Variants in N4BP2L2 observed in about 807,000 individuals in gnomAD.
The protein encoded by N4BP2L2 is NEDD4 binding protein 2 like 2.
In N4BP2L2, 50 loss-of-function variants were observed where a neutral mutation model predicts 56.2. That is an observed-to-expected ratio of 0.89 (90% CI 0.71 to 1.13). The LOEUF is 1.13. Ranked by LOEUF, N4BP2L2 falls within the 50% of genes most tolerant of loss-of-function variation. The pLI is 0.00. For missense variants in N4BP2L2, 689 were observed against 693.8 expected (o/e 0.99, Z 0.08); for synonymous variants, 203 against 223.6 (o/e 0.91, Z 0.82).
intron 3 of N4BP2L2, chr13:32,525,328 T>A (rs1435933062): frequency 6.6e-6 from 1 of 152,198 alleles, no homozygotes; most frequent in Non-Finnish European, 1.5e-5. Context: ...TTTGGAGAAA[T>A]TCTAGAGCGT....
At chr13:32,463,663 CA>C (rs35920030) in intron 6 of N4BP2L2, among the ~76,000 whole-genome samples, 6,448 of 103,986 alleles carry the variant, frequency 0.062, 455 homozygotes, top group African/African-American at 0.21. Flanking sequence ...GACTTGGTCT[CA>C]AAAAAAAAAA....
intron 6 of N4BP2L2, among the ~76,000 whole-genome samples, chr13:32,489,836 T>G (rs1294954846): frequency 6.6e-6 from 1 of 151,944 alleles, no homozygotes; most frequent in African/African-American, 2.4e-5. Context: ...CAACATTGCT[T>G]CACAGATACC....
intron 6 of N4BP2L2, among the ~76,000 whole-genome samples, chr13:32,456,318 C>G (rs1261614827): frequency 6.6e-6 from 1 of 152,110 alleles, no homozygotes; most frequent in Non-Finnish European, 1.5e-5. Flanking sequence ...ACTTCATGCA[C>G]CCAGAATAAA....
intron 6 of N4BP2L2, among the ~76,000 whole-genome samples, chr13:32,500,835 C>G (rs895931385): frequency 2.0e-5 from 3 of 149,670 alleles, no homozygotes; most frequent in Admixed American, 1.3e-4. Context: ...TCTACTGAGT[C>G]TTATGACAAC....
At chr13:32,462,861 T>TAAAAAAA (rs569068082) in intron 6 of N4BP2L2, among the ~76,000 whole-genome samples, 32 of 51,110 alleles carry the variant, frequency 6.3e-4, no homozygotes, top group African/African-American at 1.3e-3. Flanking sequence ...CTGTCTTTAC[T>TAAAAAAA]AAAAAAAAAA....
intron 6 of N4BP2L2, among the ~76,000 whole-genome samples, chr13:32,487,492 G>T (rs1328594791): frequency 6.8e-6 from 1 of 147,052 alleles, no homozygotes; most frequent in African/African-American, 2.5e-5. Flanking sequence ...AAAGGAAAAA[G>T]AAAAGAAAAA....
intron 6 of N4BP2L2, among the ~76,000 whole-genome samples, chr13:32,452,013 G>A (rs559227534): frequency 1.5e-4 from 22 of 151,668 alleles, no homozygotes; most frequent in Admixed American, 2.6e-4. Context: ...ATAATTTTCC[G>A]GAGAAAAGAA....
At chr13:32,513,290 G>C (rs1214040048) in exon 6 of N4BP2L2, 2 of 152,078 alleles carry the variant, frequency 1.3e-5, no homozygotes, top group African/African-American at 4.8e-5. Context: ...CAACTAAATT[G>C]AATCAATCTA....
chr13:32,513,866 A>G (rs1299036915), exon 6 of N4BP2L2: 2 of 152,324 alleles, frequency 1.3e-5, no homozygotes, highest in African/African-American at 4.8e-5. Context: ...CCAAGGCACT[A>G]GAACACACAA....
At chr13:32,433,209 C>T (rs563045087) in intron 9 of N4BP2L2, among the ~76,000 whole-genome samples, 1 of 152,302 alleles carries the variant, frequency 6.6e-6, no homozygotes, top group South Asian at 2.1e-4. Flanking sequence ...CCTGAGGATC[C>T]AGCTATGTAC....
intron 2 of N4BP2L2, among the ~76,000 whole-genome samples, chr13:32,532,811 G>A (rs747584380): frequency 2.6e-5 from 4 of 151,014 alleles, no homozygotes; most frequent in South Asian, 2.1e-4. Context: ...GGATGGTCTC[G>A]ATCTCTTGAC....
At chr13:32,455,581 C>T (rs936584601) in intron 6 of N4BP2L2, among the ~76,000 whole-genome samples, 3 of 152,204 alleles carry the variant, frequency 2.0e-5, no homozygotes, top group African/African-American at 7.2e-5. Context: ...AACCCCCGCA[C>T]TCTCAACACT....
chr13:32,452,903 T>C (rs1287529127), intron 6 of N4BP2L2, among the ~76,000 whole-genome samples: 1 of 152,168 alleles, frequency 6.6e-6, no homozygotes, highest in Admixed American at 6.5e-5. Flanking sequence ...ATGAAAGATA[T>C]ATCAGACAAA....
At chr13:32,507,011 T>C (rs1009455656), downstream of N4BP2L2, 10 of 152,138 alleles carry the variant, frequency 6.6e-5, no homozygotes, top group Admixed American at 6.5e-4. Flanking sequence ...GTATTAATTA[T>C]ATAGATACAC....
At chr13:32,442,285 A>G in intron 7 of N4BP2L2, 1 of 1,028,972 alleles carries the variant, frequency 9.7e-7, no homozygotes, top group Non-Finnish European at 1.4e-6. Context: ...TCACGAGATT[A>G]ATAAACTGCA....
At chr13:32,502,857 T>C (rs1007671199) in intron 6 of N4BP2L2, among the ~76,000 whole-genome samples, 1 of 152,160 alleles carries the variant, frequency 6.6e-6, no homozygotes, top group African/African-American at 2.4e-5. Flanking sequence ...CAGAAAGCTT[T>C]GAATACTAGA....
intron 6 of N4BP2L2, among the ~76,000 whole-genome samples, chr13:32,463,975 C>A (rs2080756530): frequency 7.9e-6 from 1 of 126,882 alleles, no homozygotes; most frequent in Admixed American, 8.0e-5. Context: ...TAAAAGGACA[C>A]TGCATAGTAA....
chr13:32,445,254 A>G (rs539460437), intron 6 of N4BP2L2, among the ~76,000 whole-genome samples: 2 of 150,956 alleles, frequency 1.3e-5, no homozygotes, highest in South Asian at 4.1e-4. Context: ...CCAACTGAAT[A>G]AATAAATAAA....
At chr13:32,432,732 TCAAA>T (rs1486132918) in exon 10 of N4BP2L2, 2 of 152,216 alleles carry the variant, frequency 1.3e-5, no homozygotes, top group African/African-American at 2.4e-5. Context: ...CTTTCTTCTA[TCAAA>T]CAAAGTATGG....
Sources: gnomAD v4.1 joint callset for allele counts (sites outside exome capture counted in the v4.1 genomes callset) on GRCh38, gnomAD v4.1.1 for gene constraint, MANE v1.5 for transcripts, NCBI Gene and HGNC (gene_info 2026-07-23, HGNC 2026-07-21) for gene names.